RANBP2: variants seen among roughly 807,000 people sequenced by gnomAD.
RANBP2 encodes the protein RAN binding protein 2.
Under a neutral mutation model 303.6 loss-of-function variants are expected in RANBP2, and 57 were observed. The observed-to-expected ratio is 0.19, with a 90% CI of 0.15 to 0.23. The LOEUF (loss-of-function observed/expected upper bound fraction) is 0.23. Among genes scored for constraint, RANBP2 ranks in the 10% least tolerant of loss-of-function variants. The probability of loss-of-function intolerance (pLI) is 1.00; values close to 1 mark genes in which losing one functional copy is unlikely to be tolerated. For synonymous variants in RANBP2, 1,167 were observed against 1,301.5 expected (o/e 0.90, Z 2.23); for missense variants, 3,138 against 3,780.8 (o/e 0.83, Z 4.46).
chr2:108,819,930 A>C, the RANBP2 span, among the ~76,000 whole-genome samples: 3 of 152,238 alleles, frequency 2.0e-5, no homozygotes, highest in Non-Finnish European at 4.4e-5. Flanking sequence ...AGAGAACACA[A>C]AAAACTAAGC....
chr2:109,355,991 T>C, the RANBP2 span, among the ~76,000 whole-genome samples: 1 of 152,188 alleles, frequency 6.6e-6, no homozygotes, highest in Non-Finnish European at 1.5e-5. Context: ...GGAGAATCAT[T>C]ATTGTTTCCA....
the RANBP2 span, among the ~76,000 whole-genome samples, chr2:109,572,683 C>A: frequency 1.5e-5 from 2 of 137,466 alleles, no homozygotes; most frequent in African/African-American, 2.8e-5. Flanking sequence ...GTGGTGCAAT[C>A]TCGGATTACC....
the RANBP2 span, among the ~76,000 whole-genome samples, chr2:109,101,855 G>A: frequency 6.6e-6 from 1 of 152,114 alleles, no homozygotes; most frequent in Non-Finnish European, 1.5e-5. Flanking sequence ...AGGCGCTGGT[G>A]AGCCCAGTTT....
the RANBP2 span, among the ~76,000 whole-genome samples, chr2:108,856,413 A>G: frequency 3.9e-5 from 6 of 152,230 alleles, no homozygotes; most frequent in African/African-American, 1.2e-4. Flanking sequence ...GCAACAAAAC[A>G]TAATCTTAGA....
At chr2:109,090,635 GATTTC>G in the RANBP2 span, among the ~76,000 whole-genome samples, 1 of 151,926 alleles carries the variant, frequency 6.6e-6, no homozygotes, top group Admixed American at 6.6e-5. Context: ...GTCCAATCTT[GATTTC>G]ATTTATTTAA....
the RANBP2 span, among the ~76,000 whole-genome samples, chr2:109,671,966 G>A: frequency 2.0e-5 from 3 of 151,482 alleles, no homozygotes; most frequent in Non-Finnish European, 4.4e-5. Flanking sequence ...CTCTTCATTC[G>A]CTTATGCTCC....
At chr2:109,551,986 A>T in the RANBP2 span, among the ~76,000 whole-genome samples, 1 of 152,208 alleles carries the variant, frequency 6.6e-6, no homozygotes, top group African/African-American at 2.4e-5. Flanking sequence ...GCCTGTTAGG[A>T]ACTGGGCTAC....
At chr2:109,032,961 AC>A in the RANBP2 span, among the ~76,000 whole-genome samples, 1 of 152,116 alleles carries the variant, frequency 6.6e-6, no homozygotes, top group Non-Finnish European at 1.5e-5. Flanking sequence ...CTCATATTTG[AC>A]CCATGTCATG....
the RANBP2 span, among the ~76,000 whole-genome samples, chr2:109,175,673 C>T: frequency 1.3e-5 from 2 of 152,158 alleles, no homozygotes; most frequent in African/African-American, 4.8e-5. Context: ...AGTAATAGGA[C>T]ACATTTTGGG....
the RANBP2 span, among the ~76,000 whole-genome samples, chr2:109,095,034 A>C: frequency 3.3e-5 from 5 of 152,246 alleles, no homozygotes; most frequent in Non-Finnish European, 7.3e-5. Flanking sequence ...TTCTAAATTA[A>C]GGTCAGATAT....
chr2:109,252,677 G>C, the RANBP2 span, among the ~76,000 whole-genome samples: 1 of 152,206 alleles, frequency 6.6e-6, no homozygotes, highest in Non-Finnish European at 1.5e-5. Flanking sequence ...GAACCTCATA[G>C]CTCAGCCTAG....
At chr2:108,795,389 C>T in the RANBP2 span, among the ~76,000 whole-genome samples, 1 of 152,076 alleles carries the variant, frequency 6.6e-6, no homozygotes, top group African/African-American at 2.4e-5. Flanking sequence ...CTTCTGACCT[C>T]AGGTGATCTG....
At chr2:109,418,528 T>C in the RANBP2 span, among the ~76,000 whole-genome samples, 2 of 152,108 alleles carry the variant, frequency 1.3e-5, no homozygotes, top group African/African-American at 4.8e-5. Context: ...CTGTCACTGC[T>C]CCGTCCTCAC....
the RANBP2 span, among the ~76,000 whole-genome samples, chr2:109,170,247 CT>C: frequency 1.8e-4 from 1 of 5,586 alleles, no homozygotes; most frequent in East Asian, 4.7e-3. Context: ...CTTTTCTTTT[CT>C]CTTCTCTTCT....
At chr2:108,775,689 T>C (rs780481168) in intron 23 of RANBP2, 43 bp from the exon 24 acceptor site, 8 of 1,593,032 alleles carry the variant, frequency 5.0e-6, no homozygotes, top group Non-Finnish European at 6.0e-6. Context: ...TTTTGTAAAT[T>C]AGCATTTAAG....
chr2:108,921,595 T>G, the RANBP2 span, among the ~76,000 whole-genome samples: 1 of 152,192 alleles, frequency 6.6e-6, no homozygotes, highest in Admixed American at 6.5e-5. Flanking sequence ...ATGGCAGTCC[T>G]GTGTGTGTGG....
At chr2:109,492,537 C>G in the RANBP2 span, among the ~76,000 whole-genome samples, 2 of 152,178 alleles carry the variant, frequency 1.3e-5, no homozygotes, top group Admixed American at 6.5e-5. Flanking sequence ...ACAGCCAGGC[C>G]CTGCCTTCTA....
At chr2:108,862,808 C>T in the RANBP2 span, among the ~76,000 whole-genome samples, 3,304 of 151,418 alleles carry the variant, frequency 0.022, 59 homozygotes, top group Non-Finnish European at 0.035. Context: ...TTTTTTTTTA[C>T]GTGGTTAGAT....
At chr2:109,254,832 C>T in the RANBP2 span, among the ~76,000 whole-genome samples, 8 of 151,806 alleles carry the variant, frequency 5.3e-5, no homozygotes, top group Non-Finnish European at 1.0e-4. Flanking sequence ...GGCACTGCCT[C>T]GCCAGGGCAG....
Sources: gnomAD v4.1 joint callset for allele counts (sites outside exome capture counted in the v4.1 genomes callset) on GRCh38, gnomAD v4.1.1 for gene constraint, MANE v1.5 for transcripts, NCBI Gene and HGNC (gene_info 2026-07-23, HGNC 2026-07-21) for gene names.